GLDC: variants seen among roughly 807,000 people sequenced by gnomAD.
The protein encoded by GLDC is glycine dehydrogenase (decarboxylating), mitochondrial.
Under a neutral mutation model 121.3 loss-of-function variants are expected in GLDC, and 104 were observed. That is an observed-to-expected ratio of 0.86 (90% CI 0.73 to 1.01). The LOEUF is 1.01. Ranked by LOEUF, GLDC falls within the 50% of genes least tolerant of loss-of-function variation. GLDC has a pLI of 0.00. For missense variants in GLDC, 1,429 were observed against 1,306.6 expected, an observed-to-expected ratio of 1.09 and a Z score of -1.44; for synonymous variants, 546 against 480.6, an observed-to-expected ratio of 1.14 and a Z score of -1.78.
At chr9:6,589,885 T>C (rs975451425) in intron 11 of GLDC, among the ~76,000 whole-genome samples, 1 of 152,196 alleles carries the variant, frequency 6.6e-6, no homozygotes, top group South Asian at 2.1e-4. Context: ...TGAAACCCCG[T>C]CTCTACTAAA....
At chr9:6,605,388 G>A in intron 5 of GLDC, 110 bp from the exon 6 acceptor site, 2 of 1,112,334 alleles carry the variant, frequency 1.8e-6, no homozygotes, top group Non-Finnish European at 2.7e-6. Flanking sequence ...CTCCCACAGT[G>A]GCCTCCCACC....
chr9:6,624,745 G>A (rs1819196109), intron 2 of GLDC, among the ~76,000 whole-genome samples: 1 of 152,144 alleles, frequency 6.6e-6, no homozygotes, highest in Non-Finnish European at 1.5e-5. Flanking sequence ...CCAGCACTTT[G>A]GGAGGCTGAG....
chr9:6,636,339 A>G (rs1235470891), intron 2 of GLDC, among the ~76,000 whole-genome samples: 2 of 151,914 alleles, frequency 1.3e-5, no homozygotes, highest in Non-Finnish European at 2.9e-5. Flanking sequence ...ATAATGATGC[A>G]TTAATGTAGG....
At chr9:6,626,673 A>T (rs1392438615) in intron 2 of GLDC, among the ~76,000 whole-genome samples, 1 of 152,202 alleles carries the variant, frequency 6.6e-6, no homozygotes, top group Non-Finnish European at 1.5e-5. Context: ...GAGAGATTTG[A>T]ATTTTCCTTT....
intron 11 of GLDC, among the ~76,000 whole-genome samples, chr9:6,590,045 A>C (rs965374533): frequency 1.3e-5 from 2 of 151,210 alleles, no homozygotes; most frequent in African/African-American, 4.9e-5. Context: ...ACAGAGCAAG[A>C]CTCCATCTTA....
chr9:6,580,773 C>G (rs535663868), intron 15 of GLDC, among the ~76,000 whole-genome samples: 8 of 152,324 alleles, frequency 5.3e-5, no homozygotes, highest in Admixed American at 4.6e-4. Flanking sequence ...TCCTACCTGC[C>G]TATCAGTCCC....
intron 7 of GLDC, among the ~76,000 whole-genome samples, chr9:6,603,253 C>T (rs2129889951): frequency 6.8e-6 from 1 of 146,300 alleles, no homozygotes; most frequent in East Asian, 2.1e-4. Flanking sequence ...AAAAACAAAT[C>T]ACACAAATTT....
chr9:6,625,745 T>C (rs935554820), intron 2 of GLDC, among the ~76,000 whole-genome samples: 7 of 152,088 alleles, frequency 4.6e-5, no homozygotes, highest in African/African-American at 1.7e-4. Context: ...ACTCCTATGA[T>C]AGTAGCCCTA....
Position 6,534,834 on chromosome 9 carries a change from T to C in GLDC, c.2839-46A>G, listed in dbSNP as rs1206863667. 4 of 998,196 alleles carry C rather than the reference T, an allele frequency of 4.0e-6. No homozygotes were observed. In the African/African-American group the frequency reaches 4.7e-5, roughly 12 times the overall value. The allele number at this position is 998,196 out of a possible 1,614,324, so 61.8% of individuals were successfully genotyped here. On this transcript the variant is annotated intron_variant, in intron 23 of 24. Coordinates refer to ENST00000321612, the MANE Select transcript of GLDC (RefSeq NM_000170.3). ...GAGGAGGGGTCAGAGCAATACACTC[T>C]CTTCTCCTCCTACCCTGCACCTCAA...
intron 2 of GLDC, chr9:6,639,015 A>AG (rs2130009920): frequency 6.2e-6 from 3 of 485,696 alleles, no homozygotes; most frequent in Admixed American, 6.7e-5. Context: ...TCTCAGAAAA[A>AG]AAAAAAAAGT....
At chr9:6,533,547 C>A (rs1817045588) in intron 24 of GLDC, among the ~76,000 whole-genome samples, 1 of 152,062 alleles carries the variant, frequency 6.6e-6, no homozygotes, top group Admixed American at 6.6e-5. Context: ...ATTTTCCATA[C>A]AATTCAGTTG....
rs1818705754 is a variant in GLDC at position 6,605,218 on chromosome 9, A to G, written c.774T>C (p.Asp258=). The change falls in exon 6 of 25, where the codon GAT becomes GAC. Residue 258 remains aspartate (D), a synonymous_variant. Coordinates refer to ENST00000321612, the MANE Select transcript of GLDC (RefSeq NM_000170.3). ...GGTACTGGAACAACACTCCACTGAC[A>G]TCTTTTCCACTGAAGTCCATTTCAC... ...LPCEMDFSGK[D]VSGVLFQYPD... The G allele has an allele frequency of 1.2e-6, 2 of 1,613,682 alleles. No homozygotes were observed. The highest frequency in any genetic ancestry group is 1.7e-5 in the Admixed American group (1 of 59,992).
intron 4 of GLDC, 71 bp downstream of exon 4, chr9:6,610,121 C>G: frequency 5.2e-6 from 6 of 1,158,566 alleles, no homozygotes; most frequent in Non-Finnish European, 7.6e-6. Flanking sequence ...TCACAATATA[C>G]TATAGAAAGA....
At chr9:6,628,118 A>T (rs1257486537) in intron 2 of GLDC, among the ~76,000 whole-genome samples, 1 of 152,108 alleles carries the variant, frequency 6.6e-6, no homozygotes. Context: ...TCTAAATAAA[A>T]CCCCAAATCC....
chr9:6,572,250 G>T (rs1817982427), intron 15 of GLDC, among the ~76,000 whole-genome samples: 1 of 152,194 alleles, frequency 6.6e-6, no homozygotes, highest in Non-Finnish European at 1.5e-5. Flanking sequence ...ACGGGAGAAA[G>T]TATCTGCAAA....
rs554279988 is a variant in GLDC at position 6,543,900 on chromosome 9, G to A, written c.2570-3754C>T. 4.6e-5 allele frequency among the ~76,000 whole-genome samples: 7 copies of A among 151,408 alleles called. 1 individual carries two copies. The East Asian group carries it at 1.4e-3, about 30-fold the overall frequency. ...GGGGCAAGGAGGACAGGAGGGGGGG[G>A]GATGAAGGAAAAGCAAGGTAAACGT... On this transcript the variant is annotated intron_variant, in intron 21 of 24. Transcript: ENST00000321612.
At chr9:6,535,418 G>T (rs768199376) in intron 23 of GLDC, among the ~76,000 whole-genome samples, 4 of 151,266 alleles carry the variant, frequency 2.6e-5, no homozygotes, top group Non-Finnish European at 5.9e-5. Flanking sequence ...GCAAGTCACT[G>T]GTCCCTGCCC....
At chr9:6,533,407 G>A (rs2129641835) in intron 24 of GLDC, among the ~76,000 whole-genome samples, 1 of 152,284 alleles carries the variant, frequency 6.6e-6, no homozygotes, top group Admixed American at 6.5e-5. Context: ...TTATAGCAAA[G>A]TTGTGTTTGA....
At chr9:6,576,192 A>G (rs1482866759) in intron 15 of GLDC, among the ~76,000 whole-genome samples, 3 of 152,174 alleles carry the variant, frequency 2.0e-5, no homozygotes, top group Admixed American at 2.0e-4. Context: ...CTTATAAACA[A>G]CAGAAAGCTA....
Sources: allele counts gnomAD v4.1 joint callset (sites outside exome capture counted in the v4.1 genomes callset), GRCh38; gene constraint gnomAD v4.1.1; transcripts MANE v1.5; gene names NCBI Gene and HGNC (gene_info 2026-07-23, HGNC 2026-07-21).